Variants in PTPRJ observed in about 807,000 individuals in gnomAD.
PTPRJ encodes protein tyrosine phosphatase receptor type J, also known as receptor-type tyrosine-protein phosphatase eta.
Under a neutral mutation model 141.3 loss-of-function variants are expected in PTPRJ, and 129 were observed. That is an observed-to-expected ratio of 0.91 (90% CI 0.79 to 1.06). The LOEUF is 1.06. Ranked by LOEUF, PTPRJ falls within the 50% of genes least tolerant of loss-of-function variation. The pLI, the probability that PTPRJ is intolerant of heterozygous loss-of-function variation, is 0.00. For synonymous variants in PTPRJ, 610 were observed against 640.5 expected, an observed-to-expected ratio of 0.95 and a Z score of 0.72; for missense variants, 1,601 against 1,679.7, an observed-to-expected ratio of 0.95 and a Z score of 0.82.
chr11:48,170,430 C>T lies in PTPRJ; in HGVS notation c.*3068C>T, dbSNP rs1041745836. 1.8e-4 allele frequency: 26 copies of T among 144,844 alleles called. No individual in the cohort carries two copies. The highest frequency in any genetic ancestry group is 6.0e-4 in the African/African-American group (24 of 39,820). The allele number at this position is 144,844 out of a possible 1,614,324, so 9.0% of individuals were successfully genotyped here. A position where few individuals can be genotyped will look rare whatever the true frequency, so the allele number is the denominator to read the frequency against. On this transcript the variant is annotated 3_prime_UTR_variant, in exon 25 of 25. Coordinates refer to ENST00000418331, the MANE Select transcript of PTPRJ (RefSeq NM_002843.4). ...CTCCCGGGGGTTGGGGATCGAGGGG[C>T]GGGGGTCAGCTATGCAGCCCATCAC...
intron 9 of PTPRJ, 109 bp from the exon 10 acceptor site, chr11:48,136,894 T>C (rs1267100880): frequency 7.9e-6 from 9 of 1,143,878 alleles, no homozygotes; most frequent in Non-Finnish European, 9.9e-6. Context: ...AATACTAGTT[T>C]TATTCATTCT....
In PTPRJ at chr11:48,110,009, T is replaced by C. The variant is rs940640520; in HGVS notation, c.97-49T>C. The stretch of plus-strand genomic sequence containing the variant: ...ACTGCTTTATTTCTGATTTGCATTT[T>C]CCATGGCTGAATGAATCTGCTGACT... On this transcript the variant is annotated intron_variant, in intron 1 of 24. Transcript: ENST00000418331. 6.2e-6 allele frequency: 10 copies of C among 1,609,174 alleles called. No homozygotes were observed. The African/African-American group carries it at 1.3e-4, about 22-fold the overall frequency.
chr11:48,016,200 A>G (rs1233144998), intron 1 of PTPRJ, among the ~76,000 whole-genome samples: 3 of 152,202 alleles, frequency 2.0e-5, no homozygotes, highest in Non-Finnish European at 4.4e-5. Context: ...AGCCTCACCC[A>G]GGAGAGAACC....
At chr11:48,105,748 T>C (rs977747470) in intron 1 of PTPRJ, among the ~76,000 whole-genome samples, 1 of 152,122 alleles carries the variant, frequency 6.6e-6, no homozygotes, top group African/African-American at 2.4e-5. Context: ...CTCTGTGTGC[T>C]CCTGAGACTC....
intron 1 of PTPRJ, among the ~76,000 whole-genome samples, chr11:48,104,652 T>C (rs1163122743): frequency 1.3e-5 from 2 of 152,212 alleles, no homozygotes; most frequent in Non-Finnish European, 2.9e-5. Context: ...CCTGTGAATT[T>C]ATCCCCAAAC....
At chr11:48,163,118 C>G (rs1210125696) in intron 22 of PTPRJ, among the ~76,000 whole-genome samples, 1 of 152,034 alleles carries the variant, frequency 6.6e-6, no homozygotes, top group Non-Finnish European at 1.5e-5. Context: ...AATGTGAGTT[C>G]ATTATTGATA....
At position 48,123,623 on chromosome 11, in the gene PTPRJ, A is replaced by C; in HGVS notation, c.627A>C (p.Pro209=). The C allele has an allele frequency of 6.2e-7, 1 of 1,612,716 alleles. No homozygotes were observed. Among genetic ancestry groups the C allele is most frequent in the Non-Finnish European group, 8.5e-7 (1 of 1,179,398 alleles). ...RVIKVITEPI[P]VSDLRVALTG... The stretch of plus-strand genomic sequence containing the variant: ...GTATTTTTAAAATAGAGCCGATCCC[A>C]GTTTCTGATCTCCGTGTTGCCCTCA... The change falls in exon 5 of 25, where the codon CCA becomes CCC. Residue 209 remains proline (P), a synonymous_variant. Transcript: ENST00000418331.
chr11:47,994,767 T>C (rs1342576973), intron 1 of PTPRJ, among the ~76,000 whole-genome samples: 2 of 152,366 alleles, frequency 1.3e-5, no homozygotes, highest in East Asian at 3.9e-4. Context: ...GGCATCTTGC[T>C]GGAGGGTCTC....
At position 48,139,508 on chromosome 11, in the gene PTPRJ, C is replaced by T. The variant is rs770495585; in HGVS notation, c.2175C>T (p.Phe725=). ...FCTDPASMAS[F]DCEVVPKEPA... is the part of the protein sequence containing the mutation. ...CAGATCCTGCGTCCATGGCCTCCTT[C>T]GACTGCGAAGTGGTCCCCAAAGAGC... Residue 725 remains phenylalanine (F), a synonymous_variant, in exon 11 of 25, where the codon TTC becomes TTT. Transcript: ENST00000418331. The T allele has an allele frequency of 3.5e-5, 56 of 1,613,888 alleles. No homozygotes were observed. Among genetic ancestry groups the T allele is most frequent in the East Asian group, 4.5e-5 (2 of 44,874 alleles).
At chr11:48,144,958 A>T (rs757305914) in intron 13 of PTPRJ, 42 bp from the exon 14 acceptor site, 11 of 1,614,144 alleles carry the variant, frequency 6.8e-6, no homozygotes, top group Non-Finnish European at 9.3e-6. Flanking sequence ...CTGCGGTCAG[A>T]CACGTCTCAG....
At chr11:48,037,157 GTTCCTATT>G (rs1177170989) in intron 1 of PTPRJ, among the ~76,000 whole-genome samples, 1 of 152,190 alleles carries the variant, frequency 6.6e-6, no homozygotes, top group Non-Finnish European at 1.5e-5. Flanking sequence ...GTGCCTCGGA[GTTCCTATT>G]TGGAAATATC....
chr11:48,081,209 C>T lies in PTPRJ; in HGVS notation c.97-28849C>T, dbSNP rs372686475. ...CAGGAACTAAGCATTAAAAATAGCA[C>T]GCCATTCATTTGCTTGTGCCGAGCC... On this transcript the variant is annotated intron_variant, in intron 1 of 24. Transcript: ENST00000418331. 1.6e-3 allele frequency among the ~76,000 whole-genome samples: 239 copies of T among 152,306 alleles called. 6 individuals are homozygous for T. The South Asian group carries it at 0.045, about 29-fold the overall frequency.
intron 1 of PTPRJ, among the ~76,000 whole-genome samples, chr11:48,016,440 GC>G (rs1194539186): frequency 2.7e-4 from 41 of 152,286 alleles, no homozygotes; most frequent in Admixed American, 2.2e-3. Context: ...AAAAACTCTG[GC>G]TTGCTGGCAT....
chr11:48,160,859 C>T (rs970341521), intron 22 of PTPRJ, among the ~76,000 whole-genome samples: 10 of 152,104 alleles, frequency 6.6e-5, no homozygotes, highest in African/African-American at 1.4e-4. Flanking sequence ...AACTATGACT[C>T]GTCTGCTTAT....
At chr11:48,078,171 G>A (rs528669981) in intron 1 of PTPRJ, among the ~76,000 whole-genome samples, 92 of 150,758 alleles carry the variant, frequency 6.1e-4, no homozygotes, top group Non-Finnish European at 1.9e-4. Flanking sequence ...CAATTTTCCT[G>A]CCTCAGCCTC....
chr11:48,126,399 T>A (rs935083103), intron 6 of PTPRJ, among the ~76,000 whole-genome samples: 3 of 152,048 alleles, frequency 2.0e-5, no homozygotes, highest in Admixed American at 6.6e-5. Flanking sequence ...GGGGCGAGTG[T>A]GTGTGTATAG....
chr11:48,149,243 C>G (rs984038759), intron 15 of PTPRJ, among the ~76,000 whole-genome samples: 1 of 152,066 alleles, frequency 6.6e-6, no homozygotes, highest in Non-Finnish European at 1.5e-5. Flanking sequence ...AAGAAAATAA[C>G]TTCACAAATT....
At chr11:48,131,977 C>T (rs1314530608) in intron 8 of PTPRJ, 1 of 229,600 alleles carries the variant, frequency 4.4e-6, no homozygotes, top group African/African-American at 2.3e-5. Flanking sequence ...TGGATTCTTA[C>T]ATTTTAAAAA....
At chr11:48,088,427 G>T (rs1167637444) in intron 1 of PTPRJ, among the ~76,000 whole-genome samples, 2 of 152,220 alleles carry the variant, frequency 1.3e-5, no homozygotes. Flanking sequence ...CCTGGCCTAA[G>T]CTGTGCTGTA....
Sources: gnomAD v4.1 joint callset for allele counts (sites outside exome capture counted in the v4.1 genomes callset) on GRCh38, gnomAD v4.1.1 for gene constraint, MANE v1.5 for transcripts, NCBI Gene and HGNC (gene_info 2026-07-23, HGNC 2026-07-21) for gene names.